The following CHST9 variants were observed in gnomAD, a reference collection of about 807,000 sequenced individuals.
CHST9 encodes carbohydrate sulfotransferase 9.
Under a neutral mutation model 44.4 loss-of-function variants are expected in CHST9, and 41 were observed. That is an observed-to-expected ratio of 0.92 (90% CI 0.72 to 1.20). The LOEUF (loss-of-function observed/expected upper bound fraction) is 1.20, where lower values mean the gene tolerates loss of function less well. CHST9 is among the 50% of genes most tolerant of loss of function. The probability of loss-of-function intolerance (pLI) is 0.00; values close to 1 mark genes in which losing one functional copy is unlikely to be tolerated. For missense variants in CHST9, 504 were observed against 516.5 expected, an observed-to-expected ratio of 0.98 and a Z score of 0.23; for synonymous variants, 171 against 178.4, an observed-to-expected ratio of 0.96 and a Z score of 0.33.
chr18:26,993,093 A>G (rs1393780995), intron 4 of CHST9, among the ~76,000 whole-genome samples: 1 of 152,190 alleles, frequency 6.6e-6, no homozygotes, highest in Non-Finnish European at 1.5e-5. Context: ...GTTGCTGTTG[A>G]TGACAACCAA....
intron 1 of CHST9, among the ~76,000 whole-genome samples, chr18:27,156,640 A>T (rs2058700489): frequency 6.6e-6 from 1 of 152,132 alleles, no homozygotes; most frequent in Non-Finnish European, 1.5e-5. Flanking sequence ...GTAAACAAAA[A>T]CGAGCAGCAT....
chr18:26,996,318 C>T (rs1258211059), intron 4 of CHST9, among the ~76,000 whole-genome samples: 1 of 152,150 alleles, frequency 6.6e-6, no homozygotes, highest in Non-Finnish European at 1.5e-5. Flanking sequence ...TGTTTTGTCC[C>T]CTCCAAATCC....
intron 2 of CHST9, among the ~76,000 whole-genome samples, chr18:27,117,443 C>T (rs545226008): frequency 1.4e-4 from 21 of 152,128 alleles, no homozygotes; most frequent in Non-Finnish European, 2.8e-4. Context: ...TTTGGTATTG[C>T]ACATTCTATA....
At chr18:27,026,341 T>C (rs534573077) in intron 3 of CHST9, among the ~76,000 whole-genome samples, 73 of 152,322 alleles carry the variant, frequency 4.8e-4, no homozygotes, top group African/African-American at 1.7e-3. Context: ...GATGATCCAG[T>C]CTGGTTCCTC....
chr18:27,164,421 GA>G lies in CHST9; in HGVS notation c.-97+20714del, dbSNP rs573335051. Among the ~76,000 whole-genome samples, 1,193 of 145,030 alleles carry G rather than the reference GA, an allele frequency of 8.2e-3. 12 individuals are homozygous for G. Among genetic ancestry groups the G allele is most frequent in the African/African-American group, 0.027 (1,067 of 39,608 alleles). On this transcript the variant is annotated intron_variant, in intron 1 of 5. Coordinates refer to ENST00000618847, the MANE Select transcript of CHST9 (RefSeq NM_031422.6). ...GTGATTCTTAGAAAGTAAACAAAAA[GA>G]AAAAAAAAGATGGAAAATTGAAGAG...
At chr18:26,966,715 C>T (rs1047864405) in intron 4 of CHST9, among the ~76,000 whole-genome samples, 3 of 152,078 alleles carry the variant, frequency 2.0e-5, no homozygotes, top group African/African-American at 2.4e-5. Flanking sequence ...CTTCCTAGCT[C>T]CCCTGGCAGT....
intron 1 of CHST9, among the ~76,000 whole-genome samples, chr18:27,166,409 C>G (rs1404956251): frequency 6.6e-6 from 1 of 152,136 alleles, no homozygotes; most frequent in Non-Finnish European, 1.5e-5. Flanking sequence ...TAAGAACTAG[C>G]TGCATTCTTT....
At chr18:27,052,743 T>TA (rs1332061121) in intron 2 of CHST9, among the ~76,000 whole-genome samples, 4 of 152,056 alleles carry the variant, frequency 2.6e-5, no homozygotes, top group African/African-American at 9.7e-5. Flanking sequence ...TATGCAGCCA[T>TA]AAAAAAGAAT....
chr18:27,179,094 CTCTCTCTCTCTA>C (rs1567951411), intron 1 of CHST9, among the ~76,000 whole-genome samples: 1 of 140,774 alleles, frequency 7.1e-6, no homozygotes, highest in East Asian at 2.1e-4. Flanking sequence ...CTCTCTCTCT[CTCTCTCTCTCTA>C]TATATATATA....
intron 1 of CHST9, among the ~76,000 whole-genome samples, chr18:27,152,433 A>G (rs1408168267): frequency 6.6e-6 from 1 of 152,138 alleles, no homozygotes; most frequent in East Asian, 1.9e-4. Flanking sequence ...TAAAGAGTGA[A>G]AAAACACAGA....
chr18:26,927,800 C>T (rs2055798844), intron 5 of CHST9, among the ~76,000 whole-genome samples: 1 of 151,980 alleles, frequency 6.6e-6, no homozygotes, highest in Non-Finnish European at 1.5e-5. Context: ...TTTTACTAAT[C>T]CTCCTCAGCA....
At chr18:26,992,619 TC>T (rs1025780821) in intron 4 of CHST9, among the ~76,000 whole-genome samples, 3 of 152,016 alleles carry the variant, frequency 2.0e-5, no homozygotes, top group African/African-American at 7.3e-5. Context: ...TGAAATTCTT[TC>T]TTTTTTTTTT....
intron 2 of CHST9, among the ~76,000 whole-genome samples, chr18:27,088,857 G>A (rs2058038866): frequency 6.6e-6 from 1 of 152,098 alleles, no homozygotes; most frequent in Admixed American, 6.5e-5. Context: ...CACATACCAG[G>A]GACCTGGTTT....
At chr18:27,049,110 C>A (rs2057536740) in intron 2 of CHST9, among the ~76,000 whole-genome samples, 1 of 152,000 alleles carries the variant, frequency 6.6e-6, no homozygotes, top group South Asian at 2.1e-4. Context: ...AGAACTTGCA[C>A]ACTTACAGCA....
rs2055386939 is a variant in CHST9 at position 26,907,632 on chromosome 18, T to A, written c.*8627A>T. 6.6e-6 allele frequency: 1 copy of A among 152,380 alleles called. No homozygotes were observed. Among genetic ancestry groups the A allele is most frequent in the East Asian group, 1.9e-4 (1 of 5,172 alleles). 9.4% of individuals were successfully genotyped at this position (152,380 alleles called of 1,614,324 possible). On this transcript the variant is annotated 3_prime_UTR_variant, in exon 6 of 6. Transcript: ENST00000618847. ...CCATGTGGAGGTCCTTAAAGAGGAA[T>A]AAAGGACACTTCAGGTCGTGTAATA... is the stretch of plus-strand genomic sequence containing the variant.
At chr18:27,160,280 T>C (rs1357757655) in intron 1 of CHST9, among the ~76,000 whole-genome samples, 1 of 152,240 alleles carries the variant, frequency 6.6e-6, no homozygotes, top group Admixed American at 6.5e-5. Context: ...TTGAGATACA[T>C]CCCATCAATA....
At chr18:26,969,053 C>T (rs2056503509) in intron 4 of CHST9, among the ~76,000 whole-genome samples, 1 of 149,464 alleles carries the variant, frequency 6.7e-6, no homozygotes, top group African/African-American at 2.5e-5. Flanking sequence ...GGCTGGAGTG[C>T]AGTGGTGCGA....
chr18:26,944,296 C>G lies in CHST9; in HGVS notation c.240+33G>C, dbSNP rs758440064. ...TGTTTATTAACATTGAAACAAAATT[C>G]TATATTAGAGTTTACGAGAAATGAG... On this transcript the variant is annotated intron_variant, in intron 5 of 5. Coordinates refer to ENST00000618847, the MANE Select transcript of CHST9 (RefSeq NM_031422.6). The G allele has an allele frequency of 1.9e-6, 3 of 1,548,712 alleles. No homozygotes were observed. The South Asian group carries it at 3.4e-5, about 17-fold the overall frequency.
At chr18:26,917,807 A>T (rs1199989349) in intron 5 of CHST9, among the ~76,000 whole-genome samples, 1 of 152,138 alleles carries the variant, frequency 6.6e-6, no homozygotes, top group African/African-American at 2.4e-5. Context: ...ACAACTTAAA[A>T]TTTTGGCAAG....
Sources: gnomAD v4.1 joint callset for allele counts (sites outside exome capture counted in the v4.1 genomes callset) on GRCh38, gnomAD v4.1.1 for gene constraint, MANE v1.5 for transcripts, NCBI Gene and HGNC (gene_info 2026-07-23, HGNC 2026-07-21) for gene names.